AP2A1: variants seen among roughly 807,000 people sequenced by gnomAD.
The protein encoded by AP2A1 is AP-2 complex subunit alpha-1.
A neutral mutation model predicts 107.3 loss-of-function variants in AP2A1; 21 were observed. That is an observed-to-expected ratio of 0.20 (90% confidence interval 0.14 to 0.28). The LOEUF (loss-of-function observed/expected upper bound fraction) is 0.28. Among genes scored for constraint, AP2A1 ranks in the 10% least tolerant of loss-of-function variants. The pLI is 1.00. For missense variants in AP2A1, 873 were observed against 1,307.7 expected (o/e 0.67, Z 5.13); for synonymous variants, 602 against 564.8 (o/e 1.07, Z -0.93).
At chr19:49,790,377 T>C (rs937604620) in intron 4 of AP2A1, among the ~76,000 whole-genome samples, 1 of 152,198 alleles carries the variant, frequency 6.6e-6, no homozygotes, top group African/African-American at 2.4e-5. Flanking sequence ...TCACCCAGGA[T>C]CCTCTCTCCA....
At chr19:49,794,616 C>T (rs964463362) in intron 6 of AP2A1, among the ~76,000 whole-genome samples, 1 of 152,096 alleles carries the variant, frequency 6.6e-6, no homozygotes, top group Non-Finnish European at 1.5e-5. Context: ...TGGAGAAGGG[C>T]TTTTCAAGGT....
chr19:49,784,258 G>A (rs2084711482), intron 4 of AP2A1, among the ~76,000 whole-genome samples: 3 of 152,018 alleles, frequency 2.0e-5, no homozygotes, highest in Admixed American at 2.0e-4. Context: ...GAAACCATAT[G>A]TCTACTAAAA....
At chr19:49,802,638 C>T (rs1424540601) in intron 15 of AP2A1, 3 of 1,502,864 alleles carry the variant, frequency 2.0e-6, no homozygotes, top group Non-Finnish European at 2.7e-6. Context: ...GTCGGGGGGG[C>T]GGACTCGGGT....
intron 6 of AP2A1, 137 bp downstream of exon 6, chr19:49,793,229 C>G: frequency 1.2e-6 from 1 of 839,876 alleles, no homozygotes; most frequent in East Asian, 2.7e-5. Context: ...CTGGATTCAT[C>G]CTGGCTCGGC....
Position 49,788,198 on chromosome 19 carries a change from C to G in AP2A1, c.474-3737C>G, listed in dbSNP as rs1191124028. On this transcript the variant is annotated intron_variant, in intron 4 of 22. Coordinates refer to ENST00000354293, the MANE Select transcript of AP2A1 (RefSeq NM_130787.3). The surrounding 1 kb of genome is among the most constrained non-coding windows in gnomAD (Gnocchi z 4.5). ...CTGAGCTCAAGTGATCCTCCGTGGCCTCAGCTTCCCAAAGTGCTGAGATTA... is the reference window on the plus strand; with the variant it reads ...CTGAGCTCAAGTGATCCTCCGTGGCGTCAGCTTCCCAAAGTGCTGAGATTA... 1.3e-5 allele frequency among the ~76,000 whole-genome samples: 2 copies of G among 152,182 alleles called. No individual in the cohort carries two copies. Among genetic ancestry groups the G allele is most frequent in the Admixed American group, 6.5e-5 (1 of 15,270 alleles).
Position 49,805,591 on chromosome 19 carries a change from G to C in AP2A1, c.2468+15G>C, listed in dbSNP as rs760744405. 6.4e-7 allele frequency: 1 copy of C among 1,565,708 alleles called. No individual in the cohort carries two copies. Among genetic ancestry groups the C allele is most frequent in the Admixed American group, 1.9e-5 (1 of 52,948 alleles). On this transcript the variant is annotated intron_variant, in intron 19 of 22. Coordinates refer to ENST00000354293, the MANE Select transcript of AP2A1 (RefSeq NM_130787.3). ...GTGCGCTTCCGGTGAGTCAGGTACG[G>C]CGCGGCCGGTGGGCGGAGCCTCCGG...
rs368410097 is a variant in AP2A1 at position 49,806,793 on chromosome 19, C to G, written c.*35C>G. ...TCTGCCCCGGGGGATGTGGCCGGCA[C>G]TGGGCAGCCCCTTGGACTGAGGCAG... On this transcript the variant is annotated 3_prime_UTR_variant, in exon 23 of 23. Coordinates refer to ENST00000354293, the MANE Select transcript of AP2A1 (RefSeq NM_130787.3). 1.9e-6 allele frequency: 3 copies of G among 1,612,902 alleles called. No individual in the cohort carries two copies. The highest frequency in any genetic ancestry group is 2.7e-5 in the African/African-American group (2 of 74,894).
In AP2A1 at chr19:49,806,991, GGA is replaced by G. The variant is rs2073412963; in HGVS notation, c.*237_*238del. The G allele has an allele frequency of 1.3e-6, 2 of 1,528,676 alleles. No individual in the cohort carries two copies. The highest frequency in any genetic ancestry group is 2.7e-5 in the African/African-American group (2 of 72,750). 94.7% of individuals were successfully genotyped at this position (1,528,676 alleles called of 1,614,324 possible). On this transcript the variant is annotated 3_prime_UTR_variant, in exon 23 of 23. Transcript: ENST00000354293. The stretch of plus-strand genomic sequence containing the variant: ...TCCCTTTCCCCCCCAAGCACAGAGG[GGA>G]GAGGGGCCAGGGAAGTGGATGTCTC...
intron 4 of AP2A1, among the ~76,000 whole-genome samples, chr19:49,789,137 G>C (rs1463843023): frequency 6.6e-6 from 1 of 152,148 alleles, no homozygotes; most frequent in Non-Finnish European, 1.5e-5. Flanking sequence ...TTTGACTCGT[G>C]CAGGTCTCCC....
At chr19:49,773,910 C>T (rs527984419) in intron 1 of AP2A1, among the ~76,000 whole-genome samples, 1 of 152,216 alleles carries the variant, frequency 6.6e-6, no homozygotes, top group African/African-American at 2.4e-5. Context: ...GCAGCTCCTG[C>T]CTTGGAGAGA....
At chr19:49,802,820 C>T in intron 15 of AP2A1, 129 bp from the exon 16 acceptor site, 2 of 1,179,520 alleles carry the variant, frequency 1.7e-6, no homozygotes, top group Admixed American at 2.1e-5. Flanking sequence ...TTCCTCGAGG[C>T]TCTGTGAGGG....
intron 3 of AP2A1, 100 bp from the exon 4 acceptor site, chr19:49,782,431 C>G: frequency 1.5e-6 from 2 of 1,305,634 alleles, no homozygotes; most frequent in Non-Finnish European, 2.1e-6. Context: ...ACTCCTGGGT[C>G]TGAGGTTGAA....
intron 16 of AP2A1, 21 bp from the exon 17 acceptor site, chr19:49,803,086 T>C (rs999368635): frequency 1.9e-6 from 3 of 1,613,828 alleles, no homozygotes; most frequent in African/African-American, 2.7e-5. Context: ...CCCCGTCATC[T>C]TGCGCCCCCT....
intron 6 of AP2A1, among the ~76,000 whole-genome samples, chr19:49,793,865 G>GAACACACC (rs1366580419): frequency 2.8e-5 from 4 of 141,348 alleles, no homozygotes; most frequent in Non-Finnish European, 6.1e-5. Flanking sequence ...GCAAAGAGAA[G>GAACACACC]AACACACCAG....
chr19:49,775,503 T>C (rs912043460), intron 1 of AP2A1, among the ~76,000 whole-genome samples: 2 of 152,088 alleles, frequency 1.3e-5, no homozygotes, highest in African/African-American at 2.4e-5. Context: ...TTAGTAGATA[T>C]GGGATTTTGC....
chr19:49,769,554 C>T (rs1312624037), intron 1 of AP2A1, among the ~76,000 whole-genome samples: 2 of 151,442 alleles, frequency 1.3e-5, no homozygotes, highest in African/African-American at 2.4e-5. Flanking sequence ...TGTGTTCGAG[C>T]GAGAGGGAGA....
chr19:49,776,918 T>C (rs934738871), intron 1 of AP2A1, among the ~76,000 whole-genome samples: 10 of 152,166 alleles, frequency 6.6e-5, no homozygotes, highest in African/African-American at 2.4e-4. Flanking sequence ...CAAATAGATG[T>C]GGACCATTTA....
chr19:49,795,729 C>T lies in AP2A1; in HGVS notation c.805C>T (p.Pro269Ser). The T allele has an allele frequency of 1.3e-6, 2 of 1,554,110 alleles. No individual in the cohort carries two copies. The highest frequency in any genetic ancestry group is 1.7e-6 in the Non-Finnish European group (2 of 1,149,552). Residue 269 changes from proline (P) to serine (S), a missense_variant, in exon 7 of 23, where the codon CCG becomes TCG. Pro to Ser is a moderately conservative substitution (Grantham distance 74). Around this residue, in one of 4 missense-constraint regions of AP2A1, gnomAD observed 157 missense variants for 212.6 expected, o/e 0.74. Transcript: ENST00000354293. The stretch of plus-strand genomic sequence containing the variant: ...GCTCCTGCGGCTGCTGCAGTGCTAC[C>T]CGCCTCCAGGTAATGAACGCCGTGC... ...VKLLRLLQCY[P>S]PPEDAAVKGR... is the part of the protein sequence containing the mutation.
At chr19:49,775,559 C>T (rs544033617) in intron 1 of AP2A1, among the ~76,000 whole-genome samples, 1 of 152,324 alleles carries the variant, frequency 6.6e-6, no homozygotes, top group East Asian at 1.9e-4. Flanking sequence ...AAGTGATCCA[C>T]CTGCCTCGGC....
Sources: allele counts gnomAD v4.1 joint callset (sites outside exome capture counted in the v4.1 genomes callset), GRCh38; gene constraint gnomAD v4.1.1; regional missense constraint gnomAD v4.1.1; non-coding constraint Gnocchi (gnomAD v3.1); transcripts MANE v1.5; gene names NCBI Gene and HGNC (gene_info 2026-07-23, HGNC 2026-07-21).